The following TCOF1 variants were observed in gnomAD, a reference collection of about 807,000 sequenced individuals.
TCOF1 encodes the protein treacle protein.
A neutral mutation model predicts 149.0 loss-of-function variants in TCOF1; 33 were observed. The observed-to-expected ratio is 0.22, with a 90% CI of 0.17 to 0.30. The LOEUF (loss-of-function observed/expected upper bound fraction) is 0.30. Ranked by LOEUF, TCOF1 falls within the 10% of genes least tolerant of loss-of-function variation. The probability of loss-of-function intolerance (pLI) is 1.00; values close to 1 mark genes in which losing one functional copy is unlikely to be tolerated. For missense variants in TCOF1, 1,728 were observed against 1,840.7 expected (o/e 0.94, Z 1.12); for synonymous variants, 789 against 738.8 (o/e 1.07, Z -1.10).
Position 150,391,574 on chromosome 5 carries a change from C to G in TCOF1, c.3214C>G (p.Leu1072Val). The part of the protein sequence containing the change: ...VSKKNPASLP[L>V]TQAALKVLAQ... Reference sequence around the variant, plus strand: ...AAAGAAGAACCCAGCTTCCCTCCCACTGACCCAGGCTGCCCTGAAGGTCCT... The same window carrying G: ...AAAGAAGAACCCAGCTTCCCTCCCAGTGACCCAGGCTGCCCTGAAGGTCCT... Residue 1072 changes from leucine to valine, a missense_variant, in exon 20 of 27, where the codon CTG (leucine) becomes GTG (valine). Around this residue, in one of 2 missense-constraint regions of TCOF1, gnomAD observed 1,696 missense variants for 1,765.4 expected, o/e 0.96. Transcript: ENST00000643257. 6.2e-7 allele frequency: 1 copy of G among 1,614,194 alleles called. No individual in the cohort carries two copies. The highest frequency in any genetic ancestry group is 1.1e-5 in the South Asian group (1 of 91,082).
Position 150,396,718 on chromosome 5 carries a change from G to A in TCOF1, c.4221G>A (p.Gly1407=). The A allele has an allele frequency of 6.2e-7, 1 of 1,612,814 alleles. No homozygotes were observed. Among genetic ancestry groups the A allele is most frequent in the East Asian group, 2.2e-5 (1 of 44,840 alleles). ...SGDVKEKKGK[G]SLGSQGAKDE... ...ATGTCAAGGAGAAGAAAGGGAAGGG[G>A]TCTCTTGGCTCCCAAGGGGCCAAGG... The change falls in exon 24 of 27, where the codon GGG becomes GGA. Residue 1407 remains glycine, a synonymous_variant. Coordinates refer to ENST00000643257, the MANE Select transcript of TCOF1 (RefSeq NM_001371623.1).
chr5:150,370,176 A>T (rs945534854), intron 6 of TCOF1, among the ~76,000 whole-genome samples: 30 of 152,332 alleles, frequency 2.0e-4, no homozygotes, highest in Admixed American at 7.8e-4. Context: ...TGAGCAGGAC[A>T]GGCAGAGTTC....
intron 24 of TCOF1, among the ~76,000 whole-genome samples, chr5:150,397,153 CAAAAAAAAAAAA>C (rs58246300): frequency 7.1e-4 from 63 of 88,712 alleles, no homozygotes; most frequent in Non-Finnish European, 1.1e-3. Flanking sequence ...GCAAGACTGT[CAAAAAAAAAAAA>C]AAAAAAAAAG....
At chr5:150,376,018 G>A in intron 12 of TCOF1, 64 bp from the exon 13 acceptor site, 2 of 1,613,346 alleles carry the variant, frequency 1.2e-6, no homozygotes, top group African/African-American at 1.3e-5. Flanking sequence ...GGCTGGTGGG[G>A]CAGAACAGAT....
intron 7 of TCOF1, among the ~76,000 whole-genome samples, chr5:150,373,700 C>T (rs1311602503): frequency 1.3e-5 from 2 of 152,196 alleles, no homozygotes; most frequent in South Asian, 2.1e-4. Context: ...TCCCTCAGTC[C>T]CTTCCCCACT....
rs1347933520 is a variant in TCOF1, at chr5:150,388,066, C to T, written c.3024C>T (p.Pro1008=). 18 of 1,613,368 alleles carry T rather than the reference C, an allele frequency of 1.1e-5. No individual in the cohort carries two copies. The highest frequency in any genetic ancestry group is 3.3e-5 in the South Asian group (3 of 91,058). ...SSESEDEDVI[P]ATQCLTPGIR... ...AGAGCGAGGATGAGGACGTGATCCC[C>T]GCTACACAGTGCTTGACTCCTGGTG... The change falls in exon 18 of 27, where the codon CCC becomes CCT. Residue 1008 remains proline, a synonymous_variant. Transcript: ENST00000643257.
intron 17 of TCOF1, among the ~76,000 whole-genome samples, chr5:150,382,575 GTCC>G (rs1166705447): frequency 2.0e-5 from 3 of 152,306 alleles, no homozygotes; most frequent in East Asian, 3.9e-4. Context: ...AGATCTCTGA[GTCC>G]TCCTCTGACT....
chr5:150,383,786 C>G (rs918698117), intron 17 of TCOF1: 65 of 1,551,720 alleles, frequency 4.2e-5, no homozygotes, highest in Non-Finnish European at 5.4e-5. Context: ...GACCCTCTCT[C>G]AAGCACCTGT....
intron 17 of TCOF1, among the ~76,000 whole-genome samples, chr5:150,387,310 C>G (rs1323517802): frequency 3.3e-5 from 5 of 152,198 alleles, no homozygotes; most frequent in Non-Finnish European, 5.9e-5. Context: ...CTCACCCAAC[C>G]CTTGTTTCTC....
Position 150,375,518 on chromosome 5 carries a change from T to A in TCOF1, c.1668T>A (p.Ser556Arg), listed in dbSNP as rs111582424. ...GTAGTGAGGAGTCATCAGACAGCAG[T>A]GATGGAGAGGTGCCCACAGCTGTGG... ...ESSSEESSDS[S>R]DGEVPTAVAP... Residue 556 changes from serine to arginine, a missense_variant, in exon 11 of 27, where the codon AGT becomes AGA. Ser to Arg is a moderately radical substitution (Grantham distance 110, BLOSUM62 -1). This residue lies in a region of TCOF1 where 1,696 missense variants were observed against 1,765.4 expected (regional missense o/e 0.96). Coordinates refer to ENST00000643257, the MANE Select transcript of TCOF1 (RefSeq NM_001371623.1). 1 of 1,613,976 alleles carries A rather than the reference T, an allele frequency of 6.2e-7. No individual in the cohort carries two copies. Among genetic ancestry groups the A allele is most frequent in the Non-Finnish European group, 8.5e-7 (1 of 1,180,006 alleles).
chr5:150,369,319 T>A (rs1466661366), intron 5 of TCOF1, among the ~76,000 whole-genome samples: 2 of 152,186 alleles, frequency 1.3e-5, no homozygotes, highest in Non-Finnish European at 2.9e-5. Flanking sequence ...TCACAGCCCT[T>A]CCCAGGGCCT....
chr5:150,384,597 G>A (rs1181732968), intron 17 of TCOF1: 4 of 985,360 alleles, frequency 4.1e-6, no homozygotes, highest in Non-Finnish European at 4.8e-6. Context: ...CTCTGTGGGG[G>A]TGGACTAACA....
chr5:150,380,085 A>G (rs1561508342), intron 17 of TCOF1: 1 of 265,886 alleles, frequency 3.8e-6, no homozygotes. Flanking sequence ...AAAAAAAAAA[A>G]GAAAAAAAAG....
At chr5:150,392,202 G>C in intron 21 of TCOF1, 26 bp downstream of exon 21, 1 of 1,610,192 alleles carries the variant, frequency 6.2e-7, no homozygotes. Flanking sequence ...GAAAGGCAAG[G>C]GTGGGCCAGG....
At chr5:150,381,244 T>C (rs1281024359) in intron 17 of TCOF1, among the ~76,000 whole-genome samples, 1 of 152,156 alleles carries the variant, frequency 6.6e-6, no homozygotes, top group African/African-American at 2.4e-5. Context: ...GTTTTCTTCA[T>C]GAGTAAAACA....
intron 23 of TCOF1, among the ~76,000 whole-genome samples, chr5:150,395,710 C>T (rs912087168): frequency 8.5e-5 from 13 of 152,150 alleles, no homozygotes; most frequent in Non-Finnish European, 1.9e-4. Context: ...GCCTGGACCC[C>T]CTGACCAGGA....
intron 17 of TCOF1, chr5:150,384,502 T>G: frequency 1.0e-6 from 1 of 985,500 alleles, no homozygotes; most frequent in Admixed American, 6.1e-5. Flanking sequence ...GGCATTGCCC[T>G]CTGGCTCTGT....
intron 14 of TCOF1, among the ~76,000 whole-genome samples, chr5:150,377,761 C>T (rs1355923065): frequency 6.6e-6 from 1 of 152,202 alleles, no homozygotes; most frequent in African/African-American, 2.4e-5. Flanking sequence ...CATTATGCAG[C>T]TCACTTAAAT....
intron 18 of TCOF1, among the ~76,000 whole-genome samples, chr5:150,388,454 G>A (rs1414352865): frequency 1.3e-5 from 2 of 152,184 alleles, no homozygotes; most frequent in African/African-American, 4.8e-5. Context: ...TGTAAAGTAG[G>A]TTAGGCAATC....
Sources: gnomAD v4.1 joint callset for allele counts (sites outside exome capture counted in the v4.1 genomes callset) on GRCh38, gnomAD v4.1.1 for gene constraint, gnomAD v4.1.1 regional missense constraint, MANE v1.5 for transcripts, NCBI Gene and HGNC (gene_info 2026-07-23, HGNC 2026-07-21) for gene names.